The following EPB41L2 variants were observed in gnomAD, a reference collection of about 807,000 sequenced individuals.
The protein encoded by EPB41L2 is band 4.1-like protein 2.
A neutral mutation model predicts 113.0 loss-of-function variants in EPB41L2; 43 were observed. The ratio of observed to expected loss-of-function variants is 0.38; its 90% CI spans 0.30 to 0.49. The LOEUF (loss-of-function observed/expected upper bound fraction) is 0.49. Ranked by LOEUF, EPB41L2 falls within the 20% of genes least tolerant of loss-of-function variation. The pLI is 0.95. For synonymous variants in EPB41L2, 442 were observed against 436.7 expected, an observed-to-expected ratio of 1.01 and a Z score of -0.15; for missense variants, 1,147 against 1,223.4, an observed-to-expected ratio of 0.94 and a Z score of 0.93.
Position 130,885,142 on chromosome 6 carries a change from A to C in EPB41L2, c.1787T>G (p.Val596Gly). The change falls in exon 12 of 20, where the codon GTG becomes GGG. Residue 596 changes from valine to glycine, a missense_variant. Val to Gly is a moderately radical substitution (Grantham distance 109). Transcript: ENST00000337057. ...ATGTGGGGCTTTAGTTGGGCTTCTC[A>C]CTTCCCTCCTGCCGTCCCCATCTTG... is the stretch of plus-strand genomic sequence containing the variant. The part of the protein sequence containing the change: ...VVQDGDGRRE[V>G]RSPTKAPHLQ... 6.2e-7 allele frequency: 1 copy of C among 1,614,118 alleles called. No individual in the cohort carries two copies. Among genetic ancestry groups the C allele is most frequent in the Non-Finnish European group, 8.5e-7 (1 of 1,180,002 alleles).
intron 13 of EPB41L2, 91 bp from the exon 14 acceptor site, chr6:130,878,341 A>C: frequency 1.4e-6 from 2 of 1,401,916 alleles, no homozygotes; most frequent in Non-Finnish European, 1.9e-6. Flanking sequence ...AGACAAAGCA[A>C]ACTTACGATT....
At chr6:130,995,054 C>G (rs781242809) in intron 1 of EPB41L2, among the ~76,000 whole-genome samples, 5 of 152,086 alleles carry the variant, frequency 3.3e-5, no homozygotes, top group Non-Finnish European at 5.9e-5. Flanking sequence ...TAAAACAGGC[C>G]GGCCAGGCGT....
intron 4 of EPB41L2, among the ~76,000 whole-genome samples, chr6:130,923,231 G>A (rs995867157): frequency 2.6e-5 from 4 of 152,014 alleles, no homozygotes; most frequent in Admixed American, 6.6e-5. Context: ...GGCTACTTTT[G>A]TGCTTTGGGT....
intron 3 of EPB41L2, among the ~76,000 whole-genome samples, chr6:130,944,653 GA>G (rs1335960864): frequency 6.6e-6 from 1 of 152,206 alleles, no homozygotes; most frequent in Non-Finnish European, 1.5e-5. Flanking sequence ...ATGTGATGGG[GA>G]AAGCAAAATG....
intron 1 of EPB41L2, among the ~76,000 whole-genome samples, chr6:130,986,063 C>A (rs1480955884): frequency 6.6e-6 from 1 of 152,108 alleles, no homozygotes; most frequent in Non-Finnish European, 1.5e-5. Flanking sequence ...GGGCAAAAAT[C>A]CTTGGCAAAA....
chr6:130,869,203 C>T (rs1442592348), intron 15 of EPB41L2, among the ~76,000 whole-genome samples: 2 of 151,380 alleles, frequency 1.3e-5, no homozygotes, highest in African/African-American at 4.9e-5. Flanking sequence ...TCTAATTAAA[C>T]CAAAAGGGGA....
At chr6:130,969,905 T>C (rs1367001564) in intron 1 of EPB41L2, among the ~76,000 whole-genome samples, 3 of 152,058 alleles carry the variant, frequency 2.0e-5, no homozygotes, top group South Asian at 4.1e-4. Context: ...CAGACAAGCA[T>C]ATAAAAGAAA....
At chr6:130,937,172 TC>T (rs1809095063) in intron 3 of EPB41L2, among the ~76,000 whole-genome samples, 1 of 152,220 alleles carries the variant, frequency 6.6e-6, no homozygotes, top group Non-Finnish European at 1.5e-5. Flanking sequence ...ATGTCAGGGT[TC>T]ACTCTTGGTG....
chr6:130,986,408 C>A (rs1309007651), intron 1 of EPB41L2, among the ~76,000 whole-genome samples: 1 of 151,596 alleles, frequency 6.6e-6, no homozygotes, highest in Non-Finnish European at 1.5e-5. Context: ...TATACCACTT[C>A]AAACCCACCA....
chr6:130,990,017 T>G (rs1781455909), intron 1 of EPB41L2, among the ~76,000 whole-genome samples: 1 of 152,080 alleles, frequency 6.6e-6, no homozygotes. Flanking sequence ...GACATATAAC[T>G]AATAAAACAC....
At chr6:130,930,232 C>A (rs976194137) in intron 3 of EPB41L2, among the ~76,000 whole-genome samples, 12 of 152,006 alleles carry the variant, frequency 7.9e-5, no homozygotes, top group African/African-American at 2.4e-4. Flanking sequence ...CAAAAGAGCC[C>A]ACTATTTTTT....
At chr6:130,861,483 A>C (rs1483728726) in intron 18 of EPB41L2, among the ~76,000 whole-genome samples, 1 of 152,194 alleles carries the variant, frequency 6.6e-6, no homozygotes, top group African/African-American at 2.4e-5. Context: ...CATTTAATTT[A>C]AAGTAGCTCT....
At chr6:130,910,685 AAAAT>A (rs1228859025) in intron 4 of EPB41L2, among the ~76,000 whole-genome samples, 2 of 152,140 alleles carry the variant, frequency 1.3e-5, no homozygotes, top group Non-Finnish European at 2.9e-5. Context: ...TTACAAGAAA[AAAAT>A]AACTCCATCA....
chr6:130,888,560 C>T (rs964882202), intron 11 of EPB41L2, among the ~76,000 whole-genome samples: 1 of 152,110 alleles, frequency 6.6e-6, no homozygotes, highest in Admixed American at 6.5e-5. Flanking sequence ...AGTTATACAG[C>T]CTCACAGTTT....
Position 130,869,966 on chromosome 6 carries a change from G to C in EPB41L2, c.2204C>G (p.Thr735Ser). ...KVEPVTQKDS[T>S]SLSSESSSSS... ...GCTGCTGCTCTCAGAAGACAGGGAG[G>C]TGGAGTCTTTTTGTGTCACAGGCTC... Residue 735 changes from threonine to serine, a missense_variant, in exon 15 of 20, where the codon ACC becomes AGC. Thr to Ser is a moderately conservative substitution (Grantham distance 58). Transcript: ENST00000337057. The C allele has an allele frequency of 6.2e-7, 1 of 1,613,664 alleles. No homozygotes were observed. The highest frequency in any genetic ancestry group is 2.2e-5 in the East Asian group (1 of 44,864).
chr6:130,840,388 A>C lies in EPB41L2; in HGVS notation c.*216T>G, dbSNP rs1188825037. On this transcript the variant is annotated 3_prime_UTR_variant, in exon 20 of 20. Coordinates refer to ENST00000337057, the MANE Select transcript of EPB41L2 (RefSeq NM_001431.4). ...CTGAGAATATTTAGAAGTGGTTATA[A>C]AACAAAATAATATATTAAATGCATG... is the stretch of plus-strand genomic sequence containing the variant. The C allele has an allele frequency of 2.0e-5, 3 of 152,268 alleles. No individual in the cohort carries two copies. The highest frequency in any genetic ancestry group is 4.4e-5 in the Non-Finnish European group (3 of 68,046). 9.4% of individuals were successfully genotyped at this position (152,268 alleles called of 1,614,324 possible). A position where few individuals can be genotyped will look rare whatever the true frequency, so the allele number is the denominator to read the frequency against.
chr6:130,855,344 C>G (rs1779895370), intron 19 of EPB41L2, among the ~76,000 whole-genome samples: 5 of 152,002 alleles, frequency 3.3e-5, no homozygotes, highest in Non-Finnish European at 7.4e-5. Context: ...GAGCGAGACT[C>G]CGTCACAAAA....
intron 1 of EPB41L2, among the ~76,000 whole-genome samples, chr6:131,031,625 T>G (rs934028883): frequency 6.6e-6 from 1 of 152,112 alleles, no homozygotes; most frequent in Admixed American, 6.5e-5. Flanking sequence ...AAATAACTTA[T>G]AAGCACACTA....
At chr6:130,978,281 C>T (rs1778614343) in intron 1 of EPB41L2, among the ~76,000 whole-genome samples, 1 of 152,234 alleles carries the variant, frequency 6.6e-6, no homozygotes, top group African/African-American at 2.4e-5. Flanking sequence ...TGCCCAGCTA[C>T]AAACCCAGAG....
Sources: allele counts gnomAD v4.1 joint callset (sites outside exome capture counted in the v4.1 genomes callset), GRCh38; gene constraint gnomAD v4.1.1; transcripts MANE v1.5; gene names NCBI Gene and HGNC (gene_info 2026-07-23, HGNC 2026-07-21).